Variants in FMN2 observed in about 807,000 individuals in gnomAD.
FMN2 encodes formin 2.
A neutral mutation model predicts 142.3 loss-of-function variants in FMN2; 51 were observed. The observed-to-expected ratio is 0.36, with a 90% confidence interval of 0.29 to 0.45. The LOEUF is 0.45. Ranked by LOEUF, FMN2 falls within the 20% of genes least tolerant of loss-of-function variation. The pLI is 1.00. For missense variants in FMN2, 1,936 were observed against 2,122.8 expected (o/e 0.91, Z 1.73); for synonymous variants, 882 against 869.8 (o/e 1.01, Z -0.25).
intron 6 of FMN2, among the ~76,000 whole-genome samples, chr1:240,249,842 T>C (rs1413435880): frequency 6.6e-6 from 1 of 152,122 alleles, no homozygotes; most frequent in East Asian, 1.9e-4. Flanking sequence ...TCCTAAGTTA[T>C]TTATTTTTTG....
intron 4 of FMN2, among the ~76,000 whole-genome samples, chr1:240,195,391 G>T (rs1360151833): frequency 6.6e-6 from 1 of 152,166 alleles, no homozygotes; most frequent in Non-Finnish European, 1.5e-5. Context: ...GCATAGAGCT[G>T]CCGTGTTGTC....
At chr1:240,390,677 G>C (rs1261006490) in intron 14 of FMN2, among the ~76,000 whole-genome samples, 1 of 152,146 alleles carries the variant, frequency 6.6e-6, no homozygotes, top group Non-Finnish European at 1.5e-5. Context: ...AGTTTCTACT[G>C]ATTATTGGAG....
chr1:240,142,648 C>T (rs1028226310), intron 2 of FMN2: 31 of 1,595,808 alleles, frequency 1.9e-5, no homozygotes, highest in Non-Finnish European at 2.6e-5. Flanking sequence ...AGCTGCAGTT[C>T]AGAGCCCCTG....
At chr1:240,333,976 C>A in intron 12 of FMN2, 30 bp downstream of exon 12, 1 of 1,587,304 alleles carries the variant, frequency 6.3e-7, no homozygotes, top group Non-Finnish European at 8.6e-7. Flanking sequence ...TAGTCATATT[C>A]CATTATTCTT....
intron 6 of FMN2, among the ~76,000 whole-genome samples, chr1:240,256,940 A>G (rs1470344153): frequency 2.6e-5 from 4 of 152,198 alleles, no homozygotes; most frequent in Non-Finnish European, 5.9e-5. Flanking sequence ...TTTTATTACT[A>G]TCCTGATTGA....
intron 7 of FMN2, among the ~76,000 whole-genome samples, chr1:240,290,328 G>A (rs10754697): frequency 0.3 from 44,872 of 151,954 alleles, 7,119 homozygotes; most frequent in Admixed American, 0.47. Flanking sequence ...GGATCTTAGC[G>A]AGCTCATACC....
At chr1:240,125,469 G>A (rs975333587) in intron 2 of FMN2, among the ~76,000 whole-genome samples, 2 of 152,188 alleles carry the variant, frequency 1.3e-5, no homozygotes, top group South Asian at 2.1e-4. Flanking sequence ...GAGGCAGAAC[G>A]CTAGAATGAT....
At chr1:240,135,005 GGTCA>G (rs1662882249) in intron 2 of FMN2, among the ~76,000 whole-genome samples, 1 of 152,146 alleles carries the variant, frequency 6.6e-6, no homozygotes, top group African/African-American at 2.4e-5. Flanking sequence ...GCTTTCCCTA[GGTCA>G]GTCTGTGGAA....
intron 14 of FMN2, among the ~76,000 whole-genome samples, chr1:240,391,493 CCCA>C (rs1164505581): frequency 6.6e-6 from 1 of 152,040 alleles, no homozygotes; most frequent in Admixed American, 6.6e-5. Flanking sequence ...TCCAAATGGC[CCCA>C]CATGTGACCC....
intron 7 of FMN2, among the ~76,000 whole-genome samples, chr1:240,264,387 AT>A (rs928259675): frequency 1.3e-5 from 2 of 152,024 alleles, no homozygotes; most frequent in Non-Finnish European, 2.9e-5. Context: ...ATTTATTTTT[AT>A]TTTTTTATTA....
chr1:240,332,363 C>T (rs1671408401), intron 11 of FMN2, among the ~76,000 whole-genome samples: 1 of 116,902 alleles, frequency 8.6e-6, no homozygotes. Flanking sequence ...AGTGAGAGCC[C>T]TTCTCAAAAA....
intron 6 of FMN2, among the ~76,000 whole-genome samples, chr1:240,216,683 C>T (rs375547095): frequency 2.0e-4 from 30 of 152,230 alleles, no homozygotes; most frequent in African/African-American, 5.8e-4. Flanking sequence ...TTAGTCTTTC[C>T]GCTGTGCTTG....
chr1:240,293,349 A>T (rs370141642), intron 7 of FMN2, among the ~76,000 whole-genome samples: 1 of 152,154 alleles, frequency 6.6e-6, no homozygotes, highest in Non-Finnish European at 1.5e-5. Flanking sequence ...TTTTCTTATC[A>T]TGTAGAGAAT....
intron 6 of FMN2, among the ~76,000 whole-genome samples, chr1:240,246,116 G>C (rs1285745344): frequency 1.3e-5 from 2 of 152,076 alleles, no homozygotes; most frequent in Admixed American, 6.5e-5. Flanking sequence ...GGAGGCGGAG[G>C]TTGCAGTGAG....
intron 15 of FMN2, among the ~76,000 whole-genome samples, chr1:240,398,067 C>T (rs917743041): frequency 4.0e-5 from 6 of 151,564 alleles, no homozygotes; most frequent in Non-Finnish European, 8.8e-5. Flanking sequence ...ACCATCTCAG[C>T]TCACTGCAAC....
intron 14 of FMN2, among the ~76,000 whole-genome samples, chr1:240,390,101 G>T (rs1039187105): frequency 1.3e-5 from 2 of 152,270 alleles, no homozygotes; most frequent in African/African-American, 4.8e-5. Context: ...AAGGAAATCT[G>T]TTCAGTTCTT....
At chr1:240,115,476 T>C (rs139578781) in intron 1 of FMN2, among the ~76,000 whole-genome samples, 2 of 152,318 alleles carry the variant, frequency 1.3e-5, no homozygotes, top group Non-Finnish European at 2.9e-5. Flanking sequence ...GGGTGAATTT[T>C]TAAAGATCAC....
At chr1:240,349,117 G>A (rs916908959) in intron 13 of FMN2, among the ~76,000 whole-genome samples, 7 of 152,162 alleles carry the variant, frequency 4.6e-5, no homozygotes, top group Non-Finnish European at 8.8e-5. Context: ...TATAGTTTTT[G>A]TTCTGGGAGT....
intron 14 of FMN2, among the ~76,000 whole-genome samples, chr1:240,366,564 A>G (rs1444627831): frequency 7.1e-6 from 1 of 141,084 alleles, no homozygotes. Flanking sequence ...TTTGAGATGG[A>G]GTTTCGCTCT....
Sources: gnomAD v4.1 joint callset for allele counts (sites outside exome capture counted in the v4.1 genomes callset) on GRCh38, gnomAD v4.1.1 for gene constraint, MANE v1.5 for transcripts, NCBI Gene and HGNC (gene_info 2026-07-23, HGNC 2026-07-21) for gene names.